Variants in MED12L observed in about 807,000 individuals in gnomAD.
MED12L encodes mediator of RNA polymerase II transcription subunit 12-like protein.
In MED12L, 60 loss-of-function variants were observed where a neutral mutation model predicts 281.3. The ratio of observed to expected loss-of-function variants is 0.21; its 90% CI spans 0.17 to 0.26. The LOEUF is 0.26. Among genes scored for constraint, MED12L ranks in the 10% least tolerant of loss-of-function variants. The probability of loss-of-function intolerance (pLI) is 1.00; values close to 1 mark genes in which losing one functional copy is unlikely to be tolerated. For missense variants in MED12L, 2,146 were observed against 2,680.9 expected (o/e 0.80, Z 4.41); for synonymous variants, 974 against 987.2 (o/e 0.99, Z 0.25).
chr3:151,365,188 G>T lies in MED12L; in HGVS notation c.3167G>T (p.Gly1056Val). ...VCNTLMNVCM[G>V]HQDAGRINDI... The stretch of plus-strand genomic sequence containing the variant: ...AATACACTCATGAATGTATGTATGG[G>T]CCATCAGGATGCTGGCAGGTGAGAT... Residue 1056 changes from glycine to valine, a missense_variant, in exon 22 of 45, where the codon GGC (glycine) becomes GTC (valine). Gly to Val is a moderately radical substitution (Grantham distance 109). Coordinates refer to ENST00000687756, the MANE Select transcript of MED12L (RefSeq NM_001393769.1). 4 of 1,613,884 alleles carry T rather than the reference G, an allele frequency of 2.5e-6. No homozygotes were observed. The highest frequency in any genetic ancestry group is 3.4e-6 in the Non-Finnish European group (4 of 1,179,782).
intron 39 of MED12L, among the ~76,000 whole-genome samples, chr3:151,405,002 G>A (rs994024104): frequency 1.5e-4 from 23 of 152,194 alleles, no homozygotes; most frequent in Admixed American, 5.9e-4. Flanking sequence ...AAAACTTATC[G>A]GATGCATTCA....
At chr3:151,137,478 T>G (rs953654610) in intron 5 of MED12L, among the ~76,000 whole-genome samples, 4 of 152,158 alleles carry the variant, frequency 2.6e-5, no homozygotes, top group African/African-American at 9.7e-5. Flanking sequence ...GGAATGGTAT[T>G]TAGAAAGCAA....
At chr3:151,112,366 C>T (rs565107521) in intron 2 of MED12L, among the ~76,000 whole-genome samples, 2 of 151,814 alleles carry the variant, frequency 1.3e-5, no homozygotes, top group East Asian at 1.9e-4. Flanking sequence ...CTGCAACCTC[C>T]ACCTCTCGGG....
At chr3:151,425,582 G>GTC in intron 43 of MED12L, 1 of 452,418 alleles carries the variant, frequency 2.2e-6, no homozygotes, top group Non-Finnish European at 4.5e-6. Context: ...GTGTGTGTGT[G>GTC]TGTCTGTGTT....
intron 2 of MED12L, among the ~76,000 whole-genome samples, chr3:151,114,673 C>G (rs1480924534): frequency 6.6e-6 from 1 of 151,940 alleles, no homozygotes; most frequent in Non-Finnish European, 1.5e-5. Flanking sequence ...TCAAATCTCT[C>G]CCTCTTATTC....
rs1295954299 is a variant in MED12L at position 151,409,954 on chromosome 3, A to AAAAT, written c.5910+636_5910+639dup. On this transcript the variant is annotated intron_variant, in intron 40 of 44. Transcript: ENST00000687756. Reference sequence around the variant, plus strand: ...GGGCAACAGAGCAAGACCCTGTCTCAAAATAAATAAATAAATAGAAATTGT... The same window carrying AAAAT: ...GGGCAACAGAGCAAGACCCTGTCTCAAAATAAATAAATAAATAAATAGAAATTGT... Among the ~76,000 whole-genome samples, 4 of 152,184 alleles carry AAAAT rather than the reference A, an allele frequency of 2.6e-5. No individual in the cohort carries two copies. The East Asian group carries it at 7.7e-4, about 29-fold the overall frequency.
chr3:151,327,075 A>T (rs1432458836), intron 16 of MED12L: 1 of 152,238 alleles, frequency 6.6e-6, no homozygotes, highest in African/African-American at 2.4e-5. Context: ...AAAATCTGGC[A>T]TGTCTGTCTC....
At chr3:151,427,972 T>C (rs995675480) in intron 43 of MED12L, among the ~76,000 whole-genome samples, 1 of 152,224 alleles carries the variant, frequency 6.6e-6, no homozygotes, top group African/African-American at 2.4e-5. Context: ...AAATTTGACA[T>C]GAACTCATTG....
chr3:151,244,289 TC>T (rs1231331323), intron 16 of MED12L, among the ~76,000 whole-genome samples: 1 of 128,272 alleles, frequency 7.8e-6, no homozygotes, highest in African/African-American at 2.7e-5. Flanking sequence ...TACAGAACTC[TC>T]CACCCCAAAT....
intron 21 of MED12L, among the ~76,000 whole-genome samples, chr3:151,361,881 A>C (rs1466858550): frequency 6.6e-6 from 1 of 152,090 alleles, no homozygotes; most frequent in African/African-American, 2.4e-5. Flanking sequence ...TGCTACCCCC[A>C]CAGGCAGCAC....
intron 16 of MED12L, among the ~76,000 whole-genome samples, chr3:151,345,517 C>CTTTTTTTTTTTTTTTTTTT (rs201731496): frequency 1.5e-5 from 2 of 131,646 alleles, no homozygotes; most frequent in Non-Finnish European, 1.6e-5. Context: ...TTTTCTTTTT[C>CTTTTTTTTTTTTTTTTTTT]TTTTTTTTTT....
intron 16 of MED12L, among the ~76,000 whole-genome samples, chr3:151,307,671 A>G (rs1420010014): frequency 6.6e-6 from 1 of 151,856 alleles, no homozygotes; most frequent in African/African-American, 2.4e-5. Flanking sequence ...TATAACCTTA[A>G]CCTCAAACCT....
chr3:151,138,248 CCTT>C (rs10577908), intron 5 of MED12L, among the ~76,000 whole-genome samples: 61,204 of 150,942 alleles, frequency 0.41, 15,034 homozygotes, highest in Non-Finnish European at 0.54. Flanking sequence ...GCCTCTTAGT[CCTT>C]CATTGTGTGG....
chr3:151,381,978 GT>G (rs1712451684), intron 32 of MED12L, among the ~76,000 whole-genome samples: 1 of 152,060 alleles, frequency 6.6e-6, no homozygotes, highest in Non-Finnish European at 1.5e-5. Flanking sequence ...GTGGTTTTTT[GT>G]TTTTGTTTTG....
chr3:151,164,891 T>A (rs1161785689), intron 9 of MED12L, among the ~76,000 whole-genome samples: 2 of 152,052 alleles, frequency 1.3e-5, no homozygotes, highest in African/African-American at 2.4e-5. Flanking sequence ...TTAGGAGATA[T>A]ACCTAATGTT....
intron 39 of MED12L, among the ~76,000 whole-genome samples, chr3:151,396,621 G>A (rs540033739): frequency 1.5e-4 from 23 of 152,296 alleles, no homozygotes; most frequent in African/African-American, 5.3e-4. Context: ...GTGAGACTCC[G>A]TCTCAAGAAA....
At chr3:151,155,593 C>T (rs989977092) in intron 5 of MED12L, among the ~76,000 whole-genome samples, 3 of 152,230 alleles carry the variant, frequency 2.0e-5, no homozygotes, top group Non-Finnish European at 2.9e-5. Flanking sequence ...GGTTGGAATG[C>T]TTTCATGGTC....
intron 26 of MED12L, among the ~76,000 whole-genome samples, chr3:151,371,888 C>T (rs1340973369): frequency 1.3e-5 from 2 of 152,114 alleles, no homozygotes; most frequent in Non-Finnish European, 2.9e-5. Context: ...TTTCCCAGAA[C>T]TTTGTTATGA....
At chr3:151,386,176 A>G (rs1430660658) in intron 36 of MED12L, among the ~76,000 whole-genome samples, 1 of 152,208 alleles carries the variant, frequency 6.6e-6, no homozygotes, top group Non-Finnish European at 1.5e-5. Flanking sequence ...GAGTAGCCTG[A>G]GAATCTAATA....
Sources: allele counts gnomAD v4.1 joint callset (sites outside exome capture counted in the v4.1 genomes callset), GRCh38; gene constraint gnomAD v4.1.1; transcripts MANE v1.5; gene names NCBI Gene and HGNC (gene_info 2026-07-23, HGNC 2026-07-21).